Variants in KCNH8 observed in about 807,000 individuals in gnomAD.
KCNH8 encodes potassium voltage-gated channel subfamily H member 8.
Under a neutral mutation model 103.6 loss-of-function variants are expected in KCNH8, and 70 were observed. That is an observed-to-expected ratio of 0.68 (90% CI 0.56 to 0.82). The LOEUF (loss-of-function observed/expected upper bound fraction) is 0.82, where lower values mean the gene tolerates loss of function less well. Ranked by LOEUF, KCNH8 falls within the 40% of genes least tolerant of loss-of-function variation. The pLI is 0.00. For missense variants in KCNH8, 1,217 were observed against 1,329.9 expected (o/e 0.92, Z 1.32); for synonymous variants, 498 against 489.4 (o/e 1.02, Z -0.23).
rs2068816685 is a variant in KCNH8 at position 19,513,225 on chromosome 3, C to G, written c.2335C>G (p.Gln779Glu). 1.2e-6 allele frequency: 2 copies of G among 1,613,776 alleles called. No homozygotes were observed. The highest frequency in any genetic ancestry group is 1.1e-5 in the South Asian group (1 of 91,076). The change falls in exon 13 of 16, where the codon CAG (glutamine) becomes GAG (glutamate). Residue 779 changes from glutamine to glutamate, a missense_variant. Physicochemically the swap from Gln to Glu is conservative, Grantham distance 29 (BLOSUM62 2). Transcript: ENST00000328405. ...CAGGTCAAATTCCCCCAAAACCAAGCAGGAAATTGACCCCCCCAACCATAA... is the reference window on the plus strand; with the variant it reads ...CAGGTCAAATTCCCCCAAAACCAAGGAGGAAATTGACCCCCCCAACCATAA... Reference protein sequence around the residue: ...VSRSNSPKTKQEIDPPNHNKR... With the variant: ...VSRSNSPKTKEEIDPPNHNKR...
At chr3:19,354,055 T>C in intron 5 of KCNH8, among the ~76,000 whole-genome samples, 1 of 152,186 alleles carries the variant, frequency 6.6e-6, no homozygotes, top group East Asian at 1.9e-4. Flanking sequence ...ACAAAATCAA[T>C]GTGCAAAAAT....
intron 2 of KCNH8, among the ~76,000 whole-genome samples, chr3:19,280,495 T>G (rs928148719): frequency 2.6e-5 from 4 of 152,106 alleles, no homozygotes; most frequent in Admixed American, 2.0e-4. Flanking sequence ...GTTTTTGTAT[T>G]TAATGTAAAC....
intron 11 of KCNH8, among the ~76,000 whole-genome samples, chr3:19,495,053 C>T (rs77374042): frequency 0.063 from 9,564 of 151,796 alleles, 613 homozygotes; most frequent in East Asian, 0.27. Flanking sequence ...GTTGTTTCGT[C>T]TTTGCTTGTA....
chr3:19,495,475 T>G (rs2068419618), intron 11 of KCNH8, among the ~76,000 whole-genome samples: 1 of 152,174 alleles, frequency 6.6e-6, no homozygotes. Context: ...CTTTCCCCAT[T>G]GCTGGTTTTT....
chr3:19,246,507 C>G (rs1028965883), intron 1 of KCNH8, among the ~76,000 whole-genome samples: 1 of 151,840 alleles, frequency 6.6e-6, no homozygotes, highest in African/African-American at 2.4e-5. Context: ...GATCTCTTGA[C>G]CTCATGATCC....
intron 5 of KCNH8, among the ~76,000 whole-genome samples, chr3:19,375,596 T>C (rs1434580476): frequency 6.6e-6 from 1 of 151,950 alleles, no homozygotes; most frequent in Non-Finnish European, 1.5e-5. Flanking sequence ...GAAGCCTTCT[T>C]CTCTCAGCTC....
chr3:19,170,808 A>ATTTTTTT (rs1331802978), intron 1 of KCNH8, among the ~76,000 whole-genome samples: 14 of 100,172 alleles, frequency 1.4e-4, no homozygotes, highest in African/African-American at 6.2e-4. Flanking sequence ...ATATATATAT[A>ATTTTTTT]TATTTTTTTT....
chr3:19,359,062 C>T (rs1474857769), intron 5 of KCNH8, among the ~76,000 whole-genome samples: 2 of 151,730 alleles, frequency 1.3e-5, no homozygotes, highest in African/African-American at 2.4e-5. Context: ...AATGTAAACA[C>T]TTAATGGGTA....
Position 19,252,327 on chromosome 3 carries a change from A to G in KCNH8, c.77-1327A>G, listed in dbSNP as rs77404214. ...GTTACTAATTACTTAATAATTTACT[A>G]TTTTGATTGTCCTCTAAGTCTTTTG... On this transcript the variant is annotated intron_variant, in intron 1 of 15. Coordinates refer to ENST00000328405, the MANE Select transcript of KCNH8 (RefSeq NM_144633.3). Among the ~76,000 whole-genome samples the G allele has an allele frequency of 2.9e-3, 434 of 152,208 alleles. 3 individuals carry two copies. Among genetic ancestry groups the G allele is most frequent in the African/African-American group, 9.6e-3 (399 of 41,546 alleles).
chr3:19,334,887 T>C (rs1050417584), intron 3 of KCNH8, among the ~76,000 whole-genome samples: 3 of 152,030 alleles, frequency 2.0e-5, no homozygotes, highest in African/African-American at 7.2e-5. Context: ...GTGTATATAC[T>C]ATTTAATTGT....
At chr3:19,473,412 G>C (rs953921706) in intron 11 of KCNH8, among the ~76,000 whole-genome samples, 1 of 152,112 alleles carries the variant, frequency 6.6e-6, no homozygotes, top group African/African-American at 2.4e-5. Context: ...TGCTCCCCTT[G>C]TATTTGTGCT....
At chr3:19,370,913 T>C (rs1395111013) in intron 5 of KCNH8, among the ~76,000 whole-genome samples, 1 of 152,066 alleles carries the variant, frequency 6.6e-6, no homozygotes, top group East Asian at 1.9e-4. Context: ...TCCAATTTCA[T>C]CCATGTCCCT....
chr3:19,482,567 G>A (rs1204211238), intron 11 of KCNH8, among the ~76,000 whole-genome samples: 1 of 152,170 alleles, frequency 6.6e-6, no homozygotes, highest in Non-Finnish European at 1.5e-5. Context: ...AGTAAACAAG[G>A]AAGCAATAAG....
At chr3:19,289,268 T>C (rs1468345204) in intron 3 of KCNH8, among the ~76,000 whole-genome samples, 1 of 152,120 alleles carries the variant, frequency 6.6e-6, no homozygotes, top group Non-Finnish European at 1.5e-5. Context: ...TTGTTGCCAT[T>C]GCTTTTGGTG....
At chr3:19,368,013 T>C (rs182014850) in intron 5 of KCNH8, among the ~76,000 whole-genome samples, 83 of 152,148 alleles carry the variant, frequency 5.5e-4, no homozygotes, top group African/African-American at 1.6e-3. Context: ...CTTATGACCA[T>C]ACAGAGGACC....
At chr3:19,162,713 C>T (rs988688384) in intron 1 of KCNH8, among the ~76,000 whole-genome samples, 87 of 151,928 alleles carry the variant, frequency 5.7e-4, no homozygotes, top group Non-Finnish European at 7.8e-4. Context: ...TTTGCAATCT[C>T]TAAATCTGGA....
chr3:19,429,259 C>T (rs1466996635), intron 7 of KCNH8, among the ~76,000 whole-genome samples: 6 of 148,926 alleles, frequency 4.0e-5, no homozygotes, highest in Non-Finnish European at 5.9e-5. Context: ...CTGCAAGCTC[C>T]GCCTTCCGGG....
Position 19,534,388 on chromosome 3 carries a change from C to T in KCNH8, c.*289C>T, listed in dbSNP as rs2069231011. The T allele has an allele frequency of 1.0e-5, 4 of 398,962 alleles. No individual in the cohort carries two copies. 24.7% of individuals were successfully genotyped at this position (398,962 alleles called of 1,614,324 possible). ...CTGAGGGTCTGAGCAGCTAGAAGTC[C>T]TAGACAAAGAACTTGTGGATGACTT... is the stretch of plus-strand genomic sequence containing the variant. On this transcript the variant is annotated 3_prime_UTR_variant, in exon 16 of 16. Transcript: ENST00000328405.
At chr3:19,403,664 C>T (rs923125534) in intron 7 of KCNH8, among the ~76,000 whole-genome samples, 1 of 151,396 alleles carries the variant, frequency 6.6e-6, no homozygotes, top group African/African-American at 2.4e-5. Context: ...TAGAAAAGCG[C>T]AGGTTTTGAA....
Sources: allele counts gnomAD v4.1 joint callset (sites outside exome capture counted in the v4.1 genomes callset), GRCh38; gene constraint gnomAD v4.1.1; transcripts MANE v1.5; gene names NCBI Gene and HGNC (gene_info 2026-07-23, HGNC 2026-07-21).